Variants in PAK3 observed in about 807,000 individuals in gnomAD.
PAK3 encodes serine/threonine-protein kinase PAK 3.
A neutral mutation model predicts 41.0 loss-of-function variants in PAK3; 4 were observed. The ratio of observed to expected loss-of-function variants is 0.10; its 90% CI spans 0.05 to 0.22. The LOEUF (loss-of-function observed/expected upper bound fraction) is 0.22, where lower values mean the gene tolerates loss of function less well. PAK3 is among the 10% of genes least tolerant of loss of function. The probability of loss-of-function intolerance (pLI) is 1.00; values close to 1 mark genes in which losing one functional copy is unlikely to be tolerated. For missense variants in PAK3, 205 were observed against 409.9 expected (o/e 0.50, Z 4.32); for synonymous variants, 146 against 139.6 (o/e 1.05, Z -0.32).
At chrX:111,162,318 A>C (rs1183091758) in intron 8 of PAK3, among the ~76,000 whole-genome samples, 1 of 112,134 alleles carries the variant, frequency 8.9e-6, no homozygotes, top group Non-Finnish European at 1.9e-5. Flanking sequence ...CTCATGGTTA[A>C]TATTGAGTAA....
chrX:110,994,826 C>T (rs972278191), intron 1 of PAK3, among the ~76,000 whole-genome samples: 3 of 111,214 alleles, frequency 2.7e-5, no homozygotes, highest in African/African-American at 9.8e-5. Flanking sequence ...TGATGATATG[C>T]CTATATATTT....
At chrX:111,144,988 C>T in intron 6 of PAK3, 1 of 644,435 alleles carries the variant, frequency 1.6e-6, no homozygotes. Flanking sequence ...TATCGTGCTG[C>T]CATTCTCCTG....
chrX:111,158,217 T>C (rs761994185), intron 8 of PAK3, among the ~76,000 whole-genome samples: 5 of 112,106 alleles, frequency 4.5e-5, no homozygotes, highest in African/African-American at 1.3e-4. Flanking sequence ...AGCTTTGTAT[T>C]GGTGAATATA....
rs919630209 is a variant in PAK3 at position 111,224,061 on chromosome X, G to A, written c.*3614G>A. ...GAAGCAGATGCCTTCTGGCCAGAGC[G>A]CAGAGCATGCAGGGCAGAGATATTT... On this transcript the variant is annotated 3_prime_UTR_variant, in exon 18 of 18. Coordinates refer to ENST00000372007, the MANE Select transcript of PAK3 (RefSeq NM_002578.5). 3 of 112,068 alleles carry A rather than the reference G, an allele frequency of 2.7e-5. No homozygotes were observed. Among genetic ancestry groups the A allele is most frequent in the Admixed American group, 9.4e-5 (1 of 10,585 alleles). The allele number at this position is 112,068 out of a possible 1,213,427, so 9.2% of individuals were successfully genotyped here.
intron 11 of PAK3, among the ~76,000 whole-genome samples, chrX:111,185,221 T>A (rs2094498509): frequency 8.9e-6 from 1 of 112,111 alleles, no homozygotes; most frequent in Admixed American, 9.4e-5. Context: ...GTTCATATCC[T>A]TTGCTCACTT....
chrX:111,016,747 G>GAAGA (rs2092096464), intron 1 of PAK3, among the ~76,000 whole-genome samples: 1 of 89,112 alleles, frequency 1.1e-5, no homozygotes, highest in Non-Finnish European at 2.2e-5. Flanking sequence ...AGGAAGGAAG[G>GAAGA]AAGGGAGAGA....
At chrX:111,122,108 T>C (rs1317502613) in intron 4 of PAK3, among the ~76,000 whole-genome samples, 1 of 107,016 alleles carries the variant, frequency 9.3e-6, no homozygotes, top group Non-Finnish European at 1.9e-5. Flanking sequence ...CAAAAAAAAT[T>C]AGCTGGGCGT....
chrX:111,075,689 T>G (rs1430204619), intron 1 of PAK3, among the ~76,000 whole-genome samples: 2 of 112,578 alleles, frequency 1.8e-5, no homozygotes, highest in Non-Finnish European at 3.8e-5. Flanking sequence ...AGGTACTGCC[T>G]GGTGGAGCTG....
At chrX:111,137,822 G>A (rs925766096) in intron 5 of PAK3, among the ~76,000 whole-genome samples, 1 of 111,503 alleles carries the variant, frequency 9.0e-6, no homozygotes, top group African/African-American at 3.3e-5. Context: ...ATAGAATATG[G>A]GAGGTACACT....
chrX:111,042,186 C>T (rs1336371191), intron 1 of PAK3, among the ~76,000 whole-genome samples: 1 of 111,695 alleles, frequency 9.0e-6, no homozygotes, highest in Non-Finnish European at 1.9e-5. Context: ...TCGAATAGTT[C>T]TTGATTGATA....
intron 1 of PAK3, among the ~76,000 whole-genome samples, chrX:111,064,576 A>G (rs1379125144): frequency 9.0e-6 from 1 of 111,617 alleles, no homozygotes; most frequent in African/African-American, 3.3e-5. Context: ...AATTAATTCA[A>G]TTAAATAATG....
chrX:111,215,537 T>TG (rs2094869917), intron 16 of PAK3, among the ~76,000 whole-genome samples: 2 of 107,604 alleles, frequency 1.9e-5, no homozygotes, highest in African/African-American at 7.0e-5. Flanking sequence ...AGATTCCGTC[T>TG]CAAAAAAAAA....
At chrX:111,162,201 A>G (rs892921397) in intron 8 of PAK3, among the ~76,000 whole-genome samples, 2 of 111,907 alleles carry the variant, frequency 1.8e-5, no homozygotes, top group African/African-American at 6.5e-5. Flanking sequence ...CCATTTTACC[A>G]CTGTATTAAC....
chrX:110,959,072 G>A (rs935949152), intron 1 of PAK3, among the ~76,000 whole-genome samples: 34 of 111,964 alleles, frequency 3.0e-4, no homozygotes, highest in African/African-American at 9.4e-4. Flanking sequence ...GCACACATAC[G>A]TTTGCTCTGC....
intron 5 of PAK3, among the ~76,000 whole-genome samples, chrX:111,128,211 A>G: frequency 8.9e-6 from 1 of 111,935 alleles, no homozygotes; most frequent in Non-Finnish European, 1.9e-5. Context: ...GTTTCAGAGG[A>G]TATGCAGTGC....
intron 1 of PAK3, among the ~76,000 whole-genome samples, chrX:111,046,098 A>G (rs2092495742): frequency 9.0e-6 from 1 of 111,487 alleles, no homozygotes. Flanking sequence ...CTGGGCAGAG[A>G]AACTTGTATG....
chrX:111,136,978 G>A (rs1288760714), intron 5 of PAK3, among the ~76,000 whole-genome samples: 1 of 111,471 alleles, frequency 9.0e-6, no homozygotes, highest in East Asian at 2.8e-4. Flanking sequence ...GAAGTGGAAG[G>A]GAGGTAAAAT....
Position 111,223,455 on chromosome X carries a change from T to G in PAK3, c.*3008T>G, listed in dbSNP as rs747899883. 1 of 107,540 alleles carries G rather than the reference T, an allele frequency of 9.3e-6. No individual in the cohort carries two copies. Among genetic ancestry groups the G allele is most frequent in the African/African-American group, 3.4e-5 (1 of 29,544 alleles). The allele number at this position is 107,540 out of a possible 1,213,427, so 8.9% of individuals were successfully genotyped here. On this transcript the variant is annotated 3_prime_UTR_variant, in exon 18 of 18. Transcript: ENST00000372007. ...CTTGCTGATCTCGTGTGTGTGTCAT[T>G]GTAAATATTTGTGTGTCCATGTTCC...
At chrX:110,952,278 G>A (rs962630953) in intron 1 of PAK3, among the ~76,000 whole-genome samples, 4 of 111,694 alleles carry the variant, frequency 3.6e-5, no homozygotes, top group Non-Finnish European at 5.6e-5. Flanking sequence ...TGTAGCTTAC[G>A]AATATCTTTT....
Sources: gnomAD v4.1 joint callset for allele counts (sites outside exome capture counted in the v4.1 genomes callset) on GRCh38, gnomAD v4.1.1 for gene constraint, MANE v1.5 for transcripts, NCBI Gene and HGNC (gene_info 2026-07-23, HGNC 2026-07-21) for gene names.